The following FSIP1 variants were observed in gnomAD, a reference collection of about 807,000 sequenced individuals.
The protein encoded by FSIP1 is fibrous sheath interacting protein 1, also known as fibrous sheath-interacting protein 1.
FSIP1 carries 65 observed loss-of-function variants against 60.9 expected under a neutral mutation model. That is an observed-to-expected ratio of 1.07 (90% CI 0.87 to 1.31). The LOEUF is 1.31. FSIP1 is among the 40% of genes most tolerant of loss of function. The pLI, the probability that FSIP1 is intolerant of heterozygous loss-of-function variation, is 0.00. For missense variants in FSIP1, 675 were observed against 665.5 expected (o/e 1.01, Z -0.16); for synonymous variants, 209 against 221.2 (o/e 0.94, Z 0.49).
At chr15:39,736,893 C>T (rs1896628995) in intron 8 of FSIP1, among the ~76,000 whole-genome samples, 1 of 152,096 alleles carries the variant, frequency 6.6e-6, no homozygotes, top group South Asian at 2.1e-4. Context: ...GCTAATCTCA[C>T]ATTTAGGTAA....
chr15:39,713,344 G>T, intron 10 of FSIP1, 100 bp downstream of exon 10: 3 of 1,073,148 alleles, frequency 2.8e-6, no homozygotes, highest in Non-Finnish European at 3.9e-6. Flanking sequence ...AGGTGGGCAG[G>T]TCACTTGAGC....
intron 10 of FSIP1, among the ~76,000 whole-genome samples, chr15:39,620,571 AT>A (rs1379306663): frequency 6.6e-6 from 1 of 151,812 alleles, no homozygotes; most frequent in Non-Finnish European, 1.5e-5. Flanking sequence ...AAAATTAAAT[AT>A]AAAAATAAAA....
At chr15:39,677,869 GC>G (rs1295208259) in intron 10 of FSIP1, among the ~76,000 whole-genome samples, 1 of 152,032 alleles carries the variant, frequency 6.6e-6, no homozygotes, top group Non-Finnish European at 1.5e-5. Flanking sequence ...GGTGGTGTAT[GC>G]CTGTAGTCCC....
At chr15:39,683,769 A>G (rs1050925667) in intron 10 of FSIP1, among the ~76,000 whole-genome samples, 1 of 152,202 alleles carries the variant, frequency 6.6e-6, no homozygotes, top group African/African-American at 2.4e-5. Flanking sequence ...CCATTTTTCT[A>G]TATATACACT....
chr15:39,780,012 C>T (rs947062446), intron 1 of FSIP1, among the ~76,000 whole-genome samples: 3 of 152,136 alleles, frequency 2.0e-5, no homozygotes, highest in African/African-American at 7.2e-5. Flanking sequence ...GTAAGGAATA[C>T]TTGCCCATGC....
At chr15:39,708,616 ACTAGTCCCTT>A (rs1459343084) in intron 10 of FSIP1, among the ~76,000 whole-genome samples, 1 of 152,044 alleles carries the variant, frequency 6.6e-6, no homozygotes, top group Admixed American at 6.6e-5. Flanking sequence ...CACAAAACAC[ACTAGTCCCTT>A]CTTTGCTGGG....
intron 10 of FSIP1, among the ~76,000 whole-genome samples, chr15:39,709,448 A>C (rs1485603405): frequency 1.3e-5 from 2 of 152,264 alleles, no homozygotes; most frequent in African/African-American, 4.8e-5. Context: ...AACTTTCAAT[A>C]GAAGATTTAA....
intron 10 of FSIP1, among the ~76,000 whole-genome samples, chr15:39,677,510 C>T (rs997776768): frequency 3.3e-5 from 5 of 152,136 alleles, no homozygotes; most frequent in Non-Finnish European, 5.9e-5. Flanking sequence ...ATACCAAGCA[C>T]TTTTAAAATT....
intron 6 of FSIP1, among the ~76,000 whole-genome samples, chr15:39,741,370 G>A (rs561025221): frequency 3.7e-4 from 56 of 152,198 alleles, no homozygotes; most frequent in Non-Finnish European, 7.8e-4. Flanking sequence ...TTGCTGGGTT[G>A]GACAAGTTGG....
chr15:39,694,438 C>T (rs1894729824), intron 10 of FSIP1, among the ~76,000 whole-genome samples: 1 of 152,150 alleles, frequency 6.6e-6, no homozygotes. Context: ...ATTATATACA[C>T]AAAATCCTCA....
chr15:39,653,038 T>C (rs1393272994), intron 10 of FSIP1, among the ~76,000 whole-genome samples: 1 of 151,578 alleles, frequency 6.6e-6, no homozygotes, highest in African/African-American at 2.4e-5. Context: ...TACTCAGGCG[T>C]GGTGGTGTGT....
chr15:39,669,981 C>A (rs1460395970), intron 10 of FSIP1, among the ~76,000 whole-genome samples: 1 of 152,170 alleles, frequency 6.6e-6, no homozygotes, highest in East Asian at 1.9e-4. Flanking sequence ...TTCTTCCAAC[C>A]CTCCCGGAAA....
intron 10 of FSIP1, among the ~76,000 whole-genome samples, chr15:39,632,683 C>T (rs1891947900): frequency 6.6e-6 from 1 of 152,082 alleles, no homozygotes; most frequent in African/African-American, 2.4e-5. Context: ...ATCCCAGCTA[C>T]TCAGGAGTCT....
intron 10 of FSIP1, among the ~76,000 whole-genome samples, chr15:39,702,981 TC>T (rs563336806): frequency 0.042 from 3,018 of 72,092 alleles, 100 homozygotes; most frequent in African/African-American, 0.11. Context: ...ATCATAATTG[TC>T]TTTTTTTTTT....
rs201564258 is a variant in FSIP1, at chr15:39,605,800, CAG to C, written c.1700-4876_1700-4875del. 1.0e-2 allele frequency among the ~76,000 whole-genome samples: 1,523 copies of C among 152,346 alleles called. 29 individuals are homozygous for C. The highest frequency in any genetic ancestry group is 0.035 in the African/African-American group (1,453 of 41,582). ...CATGTAAGCCAACCAAGTCCAGTCC[CAG>C]AGCTAATCATTTTATTTGAATGTTC... On this transcript the variant is annotated intron_variant, in intron 11 of 11. Coordinates refer to ENST00000350221, the MANE Select transcript of FSIP1 (RefSeq NM_152597.5).
At chr15:39,699,933 G>A (rs1054591133) in intron 10 of FSIP1, among the ~76,000 whole-genome samples, 2 of 152,182 alleles carry the variant, frequency 1.3e-5, no homozygotes, top group Non-Finnish European at 2.9e-5. Flanking sequence ...GAGAATGGGA[G>A]AGCTGCACTG....
chr15:39,696,012 C>T (rs1164890208), intron 10 of FSIP1, among the ~76,000 whole-genome samples: 1 of 152,186 alleles, frequency 6.6e-6, no homozygotes, highest in Admixed American at 6.5e-5. Flanking sequence ...ACATTACTTA[C>T]TCAAAACACA....
At chr15:39,691,783 T>C (rs1420046666) in intron 10 of FSIP1, among the ~76,000 whole-genome samples, 1 of 152,172 alleles carries the variant, frequency 6.6e-6, no homozygotes, top group African/African-American at 2.4e-5. Flanking sequence ...GTGAATTCTC[T>C]CACCCTCTCT....
intron 10 of FSIP1, among the ~76,000 whole-genome samples, chr15:39,630,952 C>T (rs749140578): frequency 2.6e-5 from 4 of 152,158 alleles, no homozygotes; most frequent in Admixed American, 6.5e-5. Context: ...GAATCCCTCA[C>T]CAGTGGGTGG....
Sources: allele counts gnomAD v4.1 joint callset (sites outside exome capture counted in the v4.1 genomes callset), GRCh38; gene constraint gnomAD v4.1.1; transcripts MANE v1.5; gene names NCBI Gene and HGNC (gene_info 2026-07-23, HGNC 2026-07-21).